The following VWDE variants were observed in gnomAD, a reference collection of about 807,000 sequenced individuals.
VWDE encodes the protein von Willebrand factor D and EGF domain-containing protein.
In VWDE, 207 loss-of-function variants were observed where a neutral mutation model predicts 178.4. The ratio of observed to expected loss-of-function variants is 1.16; its 90% CI spans 1.04 to 1.30. VWDE has a LOEUF of 1.30. VWDE is among the 50% of genes most tolerant of loss of function. VWDE has a pLI of 0.00. For synonymous variants in VWDE, 738 were observed against 651.4 expected (o/e 1.13, Z -2.02); for missense variants, 2,287 against 1,901.3 (o/e 1.20, Z -3.77).
intron 3 of VWDE, among the ~76,000 whole-genome samples, chr7:12,388,600 G>C (rs941616277): frequency 6.6e-6 from 1 of 151,988 alleles, no homozygotes; most frequent in African/African-American, 2.4e-5. Context: ...TTTAATCTTT[G>C]AATCATATTC....
At chr7:12,390,475 A>G (rs1784335207) in intron 2 of VWDE, among the ~76,000 whole-genome samples, 2 of 151,946 alleles carry the variant, frequency 1.3e-5, no homozygotes, top group African/African-American at 4.8e-5. Context: ...CCAGGTTATA[A>G]TTCTTGTTAT....
chr7:12,380,647 A>G lies in VWDE; in HGVS notation c.628T>C (p.Cys210Arg). The change falls in exon 5 of 29, where the codon TGT becomes CGT. Residue 210 changes from cysteine to arginine, a missense_variant. Coordinates refer to ENST00000275358, the MANE Select transcript of VWDE (RefSeq NM_001135924.3). Reference protein sequence around the residue: ...ELIESRLFCRCSFDVPATKNS... With the variant: ...ELIESRLFCRRSFDVPATKNS... ...TTTGTAGCGGGAACATCAAAAGAACACCTACAGAAAAGCCTGGACTCAATC... is the reference window on the plus strand; with the variant it reads ...TTTGTAGCGGGAACATCAAAAGAACGCCTACAGAAAAGCCTGGACTCAATC... 6.4e-7 allele frequency: 1 copy of G among 1,552,202 alleles called. No homozygotes were observed. Among genetic ancestry groups the G allele is most frequent in the South Asian group, 1.2e-5 (1 of 84,058 alleles).
rs1270821679 is a variant in VWDE, at chr7:12,403,704, C to T, written c.13G>A (p.Ala5Thr). ...ATCAGCGCGATCACCAGCACGCAGG[C>T]TCCGCCAGGCATCGCTGCTTCCGCA... MPGG[A>T]CVLVIALMFL... Residue 5 changes from alanine to threonine, a missense_variant, in exon 1 of 29, where the codon GCC becomes ACC. Coordinates refer to ENST00000275358, the MANE Select transcript of VWDE (RefSeq NM_001135924.3). The T allele has an allele frequency of 3.9e-6, 6 of 1,549,842 alleles. No homozygotes were observed. Among genetic ancestry groups the T allele is most frequent in the Non-Finnish European group, 5.2e-6 (6 of 1,146,556 alleles).
At position 12,351,673 on chromosome 7, in the gene VWDE, C is replaced by G; in HGVS notation, c.3786G>C (p.Val1262=). The stretch of plus-strand genomic sequence containing the variant: ...CACTTTTATCAGATCTTGTGAGAAC[C>G]ACAGTTTGTGTAGTAAATTGATTTA... ...QFVNQFTTQT[V]VLTRSDKSVN... The change falls in exon 19 of 29, where the codon GTG becomes GTC. Residue 1262 remains valine, a synonymous_variant. Transcript: ENST00000275358. 3 of 1,549,048 alleles carry G rather than the reference C, an allele frequency of 1.9e-6. No homozygotes were observed. In the South Asian group the frequency reaches 3.6e-5, roughly 19 times the overall value.
rs567304230 is a variant in VWDE, at chr7:12,354,113, A to G, written c.3745+1998T>C. 22 of 181,760 alleles carry G rather than the reference A, an allele frequency of 1.2e-4. No homozygotes were observed. In the South Asian group the frequency reaches 2.3e-3, roughly 19 times the overall value. The allele number at this position is 181,760 out of a possible 1,614,324, so 11.3% of individuals were successfully genotyped here. A position where few individuals can be genotyped will look rare whatever the true frequency, so the allele number is the denominator to read the frequency against. ...GCCCTTTTGTGATTTCTATCAAAAG[A>G]CACAGAACACTTTATTATACTCTGT... On this transcript the variant is annotated intron_variant, in intron 18 of 28. Coordinates refer to ENST00000275358, the MANE Select transcript of VWDE (RefSeq NM_001135924.3).
chr7:12,370,181 A>T lies in VWDE; in HGVS notation c.2125T>A (p.Leu709Ile). 3 of 1,551,466 alleles carry T rather than the reference A, an allele frequency of 1.9e-6. No individual in the cohort carries two copies. Among genetic ancestry groups the T allele is most frequent in the Non-Finnish European group, 2.6e-6 (3 of 1,146,878 alleles). ...TTTCCAGGATGTTTTTGTACATTTA[A>T]GCCGAGTTTAGTCAGGTTTATGTGT... The part of the protein sequence containing the change: ...KKHINLTKLG[L>I]NVQKHPGNEK... The change falls in exon 12 of 29, where the codon TTA becomes ATA. Residue 709 changes from leucine to isoleucine, a missense_variant. Physicochemically the swap from Leu to Ile is conservative, Grantham distance 5. Coordinates refer to ENST00000275358, the MANE Select transcript of VWDE (RefSeq NM_001135924.3).
chr7:12,344,129 A>G, intron 21 of VWDE, 66 bp downstream of exon 21: 1 of 1,357,692 alleles, frequency 7.4e-7, no homozygotes, highest in African/African-American at 1.5e-5. Flanking sequence ...GTCTTGTAAA[A>G]TGGTTTTTAA....
chr7:12,335,472 T>G (rs989984559), intron 27 of VWDE, among the ~76,000 whole-genome samples: 7 of 152,320 alleles, frequency 4.6e-5, no homozygotes, highest in Non-Finnish European at 1.5e-5. Context: ...TACTTTTTTT[T>G]TGAGACGGAG....
intron 18 of VWDE, among the ~76,000 whole-genome samples, chr7:12,355,704 A>G (rs1394898053): frequency 6.6e-6 from 1 of 152,162 alleles, no homozygotes; most frequent in African/African-American, 2.4e-5. Context: ...TCAACTTCTT[A>G]CCATGATATT....
rs1307030283 is a variant in VWDE at position 12,344,608 on chromosome 7, G to GT, written c.3887-140dup. On this transcript the variant is annotated intron_variant, in intron 19 of 28. Coordinates refer to ENST00000275358, the MANE Select transcript of VWDE (RefSeq NM_001135924.3). ...AGTCCCTCTAGATAATACTGAGAAC[G>GT]TAAGAATACTCCAACAACTCTCTTG... 16 of 649,884 alleles carry GT rather than the reference G, an allele frequency of 2.5e-5. No individual in the cohort carries two copies. The Admixed American group carries it at 3.9e-4, about 16-fold the overall frequency. 40.3% of individuals were successfully genotyped at this position (649,884 alleles called of 1,614,324 possible).
chr7:12,375,320 A>G lies in VWDE; in HGVS notation c.1025-93T>C, dbSNP rs1047115368. 4.0e-6 allele frequency: 4 copies of G among 999,102 alleles called. No homozygotes were observed. The African/African-American group carries it at 6.6e-5, about 16-fold the overall frequency. 61.9% of individuals were successfully genotyped at this position (999,102 alleles called of 1,614,324 possible). On this transcript the variant is annotated intron_variant, in intron 7 of 28. Coordinates refer to ENST00000275358, the MANE Select transcript of VWDE (RefSeq NM_001135924.3). ...AATTAACATGAAACACTGAATTGTA[A>G]GATTATTCTCAAATTATTTTCTCTT...
intron 3 of VWDE, among the ~76,000 whole-genome samples, chr7:12,385,353 A>T (rs1386324777): frequency 1.3e-5 from 2 of 152,212 alleles, no homozygotes; most frequent in Admixed American, 6.6e-5. Context: ...CATTTCACAG[A>T]CTGCCTTCGA....
intron 19 of VWDE, among the ~76,000 whole-genome samples, chr7:12,349,721 T>C (rs1336765611): frequency 6.6e-6 from 1 of 151,992 alleles, no homozygotes; most frequent in African/African-American, 2.4e-5. Flanking sequence ...AAATGATTAT[T>C]TGAAAAAAGA....
Position 12,357,499 on chromosome 7 carries a change from C to T in VWDE, c.3291G>A (p.Val1097=). 6.4e-7 allele frequency: 1 copy of T among 1,552,154 alleles called. No individual in the cohort carries two copies. The highest frequency in any genetic ancestry group is 1.2e-5 in the South Asian group (1 of 84,050). The change falls in exon 17 of 29, where the codon GTG becomes GTA. Residue 1097 remains valine, a synonymous_variant. Transcript: ENST00000275358. ...WSFLENNQPP[V]IQALQDKLQT... ...GTAATTTGTCTTGCAATGCTTGAAT[C>T]ACTGGGGGCTGGTTGTCTGTAATAG...
chr7:12,396,424 T>C (rs11509868), intron 1 of VWDE, among the ~76,000 whole-genome samples: 26,832 of 152,188 alleles, frequency 0.18, 2,916 homozygotes, highest in Admixed American at 0.32. Context: ...CTGTATATTA[T>C]CCTACAGGAA....
intron 27 of VWDE, 55 bp from the exon 28 acceptor site, chr7:12,333,623 A>G: frequency 8.1e-6 from 10 of 1,238,740 alleles, no homozygotes; most frequent in Non-Finnish European, 1.2e-5. Flanking sequence ...TGCTTGTGGC[A>G]TATTCTATCC....
intron 3 of VWDE, among the ~76,000 whole-genome samples, 164 bp from the exon 4 acceptor site, chr7:12,383,765 A>T (rs963831048): frequency 6.6e-6 from 1 of 152,156 alleles, no homozygotes; most frequent in Non-Finnish European, 1.5e-5. Flanking sequence ...GGTGAGATCA[A>T]ATGAAAAGAT....
intron 3 of VWDE, among the ~76,000 whole-genome samples, chr7:12,384,217 T>A (rs1370679917): frequency 6.6e-6 from 1 of 152,060 alleles, no homozygotes; most frequent in Non-Finnish European, 1.5e-5. Flanking sequence ...GTAGGAAACT[T>A]AAATGAGTAT....
intron 7 of VWDE, chr7:12,377,480 G>A (rs1019440090): frequency 5.2e-6 from 1 of 193,190 alleles, no homozygotes; most frequent in African/African-American, 2.3e-5. Flanking sequence ...AGGAGAATGA[G>A]AAAAAAATAG....
Sources: allele counts gnomAD v4.1 joint callset (sites outside exome capture counted in the v4.1 genomes callset), GRCh38; gene constraint gnomAD v4.1.1; transcripts MANE v1.5; gene names NCBI Gene and HGNC (gene_info 2026-07-23, HGNC 2026-07-21).